Variants in PKHD1 observed in about 807,000 individuals in gnomAD.
PKHD1 encodes PKHD1 ciliary IPT domain containing fibrocystin/polyductin, also known as fibrocystin.
PKHD1 carries 291 observed loss-of-function variants against 412.0 expected under a neutral mutation model. That is an observed-to-expected ratio of 0.71 (90% CI 0.64 to 0.78). The LOEUF (loss-of-function observed/expected upper bound fraction) is 0.78. Among genes scored for constraint, PKHD1 ranks in the 30% least tolerant of loss-of-function variants. The probability of loss-of-function intolerance (pLI) is 0.00; values close to 1 mark genes in which losing one functional copy is unlikely to be tolerated. For missense variants in PKHD1, 4,825 were observed against 4,950.7 expected (o/e 0.97, Z 0.76); for synonymous variants, 1,777 against 1,821.5 (o/e 0.98, Z 0.62).
At chr6:51,955,247 G>A (rs1449714420) in intron 36 of PKHD1, among the ~76,000 whole-genome samples, 2 of 151,850 alleles carry the variant, frequency 1.3e-5, no homozygotes, top group African/African-American at 2.4e-5. Context: ...AAGAAGTAGA[G>A]ATAGTAAGTA....
chr6:51,749,145 G>A (rs972344328), intron 57 of PKHD1, among the ~76,000 whole-genome samples: 3 of 152,182 alleles, frequency 2.0e-5, no homozygotes, highest in African/African-American at 7.2e-5. Context: ...AGAAGAGTAT[G>A]AGTGCGAAAT....
intron 61 of PKHD1, 30 bp from the exon 62 acceptor site, chr6:51,649,250 T>G (rs766906309): frequency 6.4e-7 from 1 of 1,554,610 alleles, no homozygotes; most frequent in Non-Finnish European, 8.9e-7. Context: ...ACAAAATACA[T>G]CCTTAGGATT....
intron 37 of PKHD1, among the ~76,000 whole-genome samples, chr6:51,922,670 C>T (rs1368789927): frequency 1.3e-5 from 2 of 152,214 alleles, no homozygotes; most frequent in African/African-American, 2.4e-5. Flanking sequence ...CCCCAAGCCT[C>T]GCTGCCTCCT....
intron 55 of PKHD1, among the ~76,000 whole-genome samples, chr6:51,755,789 A>G (rs1305749367): frequency 6.6e-6 from 1 of 152,162 alleles, no homozygotes; most frequent in African/African-American, 2.4e-5. Context: ...GTCCATGTGC[A>G]GGGCATTCAA....
intron 36 of PKHD1, among the ~76,000 whole-genome samples, chr6:51,937,569 C>A (rs1172636887): frequency 2.0e-5 from 3 of 152,224 alleles, no homozygotes; most frequent in Non-Finnish European, 4.4e-5. Context: ...CAGCTCCTTT[C>A]CTCAAGACTC....
intron 60 of PKHD1, among the ~76,000 whole-genome samples, chr6:51,689,248 CAT>C (rs1777850835): frequency 6.6e-6 from 1 of 152,184 alleles, no homozygotes; most frequent in Admixed American, 6.6e-5. Context: ...ACAAAAACCA[CAT>C]GATTATCTCA....
intron 35 of PKHD1, among the ~76,000 whole-genome samples, chr6:51,995,381 A>G (rs1214826231): frequency 6.6e-6 from 1 of 152,238 alleles, no homozygotes; most frequent in African/African-American, 2.4e-5. Flanking sequence ...TTGGCACTCA[A>G]GATTGTACAT....
At chr6:51,687,473 A>G (rs1234579759) in intron 60 of PKHD1, among the ~76,000 whole-genome samples, 2 of 152,174 alleles carry the variant, frequency 1.3e-5, no homozygotes, top group Admixed American at 6.5e-5. Context: ...ACCTAAGCTC[A>G]TGGTGTTAAA....
At chr6:51,782,905 CTG>C (rs1297980518) in intron 53 of PKHD1, among the ~76,000 whole-genome samples, 1 of 152,124 alleles carries the variant, frequency 6.6e-6, no homozygotes, top group Admixed American at 6.6e-5. Context: ...CCTTACAGAA[CTG>C]TCAGTTTGAA....
chr6:51,731,502 G>A (rs891141989), intron 60 of PKHD1, among the ~76,000 whole-genome samples: 1 of 152,128 alleles, frequency 6.6e-6, no homozygotes, highest in African/African-American at 2.4e-5. Flanking sequence ...AATACCTCCT[G>A]CAAATGGCAG....
chr6:51,863,407 A>G (rs1216894509), intron 48 of PKHD1, among the ~76,000 whole-genome samples: 1 of 152,202 alleles, frequency 6.6e-6, no homozygotes, highest in African/African-American at 2.4e-5. Context: ...TGATATCTCA[A>G]TGAGTCTACG....
chr6:51,956,227 A>C (rs1297635733), intron 36 of PKHD1, among the ~76,000 whole-genome samples: 1 of 151,954 alleles, frequency 6.6e-6, no homozygotes, highest in Non-Finnish European at 1.5e-5. Context: ...ATATAGACAT[A>C]TGTGTGTATG....
chr6:51,771,616 CAA>C (rs556888100), intron 55 of PKHD1, among the ~76,000 whole-genome samples: 22 of 127,476 alleles, frequency 1.7e-4, no homozygotes, highest in South Asian at 2.6e-4. Flanking sequence ...GAGACTGTGT[CAA>C]AAAAAAAAAA....
intron 49 of PKHD1, among the ~76,000 whole-genome samples, chr6:51,852,956 T>C (rs180734603): frequency 6.2e-4 from 95 of 152,308 alleles, no homozygotes; most frequent in Non-Finnish European, 1.2e-3. Flanking sequence ...GTCATCTTGA[T>C]ATAATTTAGT....
chr6:51,661,749 T>C (rs1360534142), intron 60 of PKHD1, among the ~76,000 whole-genome samples: 2 of 152,130 alleles, frequency 1.3e-5, no homozygotes, highest in Non-Finnish European at 2.9e-5. Flanking sequence ...AGAATTTCTT[T>C]GATTTAAAAT....
At chr6:51,741,004 C>A in intron 60 of PKHD1, 1 of 488,496 alleles carries the variant, frequency 2.0e-6, no homozygotes, top group Non-Finnish European at 4.1e-6. Context: ...CACTCACACA[C>A]ATACATGCTT....
intron 52 of PKHD1, among the ~76,000 whole-genome samples, chr6:51,817,377 C>T (rs2151432468): frequency 6.6e-6 from 1 of 152,134 alleles, no homozygotes; most frequent in Middle Eastern, 3.4e-3. Context: ...TTATCAATAC[C>T]TCAACCTATG....
At chr6:52,009,653 A>C (rs1351364673) in intron 35 of PKHD1, among the ~76,000 whole-genome samples, 2 of 152,108 alleles carry the variant, frequency 1.3e-5, no homozygotes, top group East Asian at 1.9e-4. Flanking sequence ...AAGAGCCCTG[A>C]GCCTCTGATT....
rs752563887 is a variant in PKHD1 at position 51,855,938 on chromosome 6, G to A, written c.7866C>T (p.Thr2622=). The A allele has an allele frequency of 1.9e-6, 3 of 1,613,936 alleles. No homozygotes were observed. The highest frequency in any genetic ancestry group is 2.2e-5 in the East Asian group (1 of 44,882). ...AAAGGTTCTCAGATTGCAATGAGTA[G>A]GTCTCTTGGTCCAAGAGCAGAGCCA... is the stretch of plus-strand genomic sequence containing the variant. ...GWMALLLDQE[T]YSLQSENLWI... is the part of the protein sequence containing the mutation. Residue 2622 remains threonine (T), a synonymous_variant, in exon 49 of 67, where the codon ACC becomes ACT. Coordinates refer to ENST00000371117, the MANE Select transcript of PKHD1 (RefSeq NM_138694.4).
Sources: allele counts gnomAD v4.1 joint callset (sites outside exome capture counted in the v4.1 genomes callset), GRCh38; gene constraint gnomAD v4.1.1; transcripts MANE v1.5; gene names NCBI Gene and HGNC (gene_info 2026-07-23, HGNC 2026-07-21).